The following LEFTY1 variants were observed in gnomAD, a reference collection of about 807,000 sequenced individuals.
LEFTY1 encodes left-right determination factor B.
LEFTY1 carries 18 observed loss-of-function variants against 22.6 expected under a neutral mutation model. The observed-to-expected ratio is 0.80, with a 90% CI of 0.55 to 1.18. LEFTY1 has a LOEUF of 1.18. Among genes scored for constraint, LEFTY1 ranks in the 50% most tolerant of loss-of-function variants. The pLI is 0.00. For synonymous variants in LEFTY1, 201 were observed against 231.5 expected (o/e 0.87, Z 1.20); for missense variants, 414 against 495.4 (o/e 0.84, Z 1.56).
At position 225,888,973 on chromosome 1, in the gene LEFTY1, GC is replaced by G; in HGVS notation, c.93del (p.Leu32CysfsTer26). 2 of 1,599,786 alleles carry G rather than the reference GC, an allele frequency of 1.3e-6. No individual in the cohort carries two copies. Among genetic ancestry groups the G allele is most frequent in the Non-Finnish European group, 1.7e-6 (2 of 1,173,560 alleles). On this transcript the variant is annotated frameshift_variant, in exon 1 of 4. Transcript: ENST00000272134. LOFTEE classifies it high-confidence loss of function. ...ACCTCTTTGAGCTGCAGCTGCCGCA[GC>G]AGGCTGCCCAGGAGCTGCTCCCCGG... The part of the protein sequence containing the change: ...ALTGEQLLGS[L>X]LRQLQLKEVP...
At chr1:225,887,294 TTG>T in intron 3 of LEFTY1, 103 bp downstream of exon 3, 1 of 1,565,330 alleles carries the variant, frequency 6.4e-7, no homozygotes, top group Non-Finnish European at 8.7e-7. Flanking sequence ...ATTGTATACA[TTG>T]TCTCATTCAT....
intron 2 of LEFTY1, 69 bp downstream of exon 2, chr1:225,887,717 C>G: frequency 1.9e-6 from 3 of 1,562,918 alleles, no homozygotes; most frequent in Non-Finnish European, 2.6e-6. Flanking sequence ...ACCGCCCCCC[C>G]GCGTCCCCGC....
Position 225,889,026 on chromosome 1 carries a change from G to C in LEFTY1, c.41C>G (p.Pro14Arg). 6.6e-7 allele frequency: 1 copy of C among 1,506,352 alleles called. No individual in the cohort carries two copies. Among genetic ancestry groups the C allele is most frequent in the Admixed American group, 2.1e-5 (1 of 46,532 alleles). 93.3% of individuals were successfully genotyped at this position (1,506,352 alleles called of 1,614,324 possible). Residue 14 changes from proline to arginine, a missense_variant, in exon 1 of 4, where the codon CCC (proline) becomes CGC (arginine). Pro to Arg is a moderately radical substitution (Grantham distance 103). Around this residue, in one of 2 missense-constraint regions of LEFTY1, gnomAD observed 398 missense variants for 454.7 expected, o/e 0.88. Transcript: ENST00000272134. The part of the protein sequence containing the change: ...LWLCWALWVL[P>R]LASPGAALTG... Reference sequence around the variant, plus strand: ...CAGGGCGGCCCCGGGGCTGGCCAGGGGCAACACCCAGAGTGCCCAGCAGAG... The same window carrying C: ...CAGGGCGGCCCCGGGGCTGGCCAGGCGCAACACCCAGAGTGCCCAGCAGAG...
intron 1 of LEFTY1, 71 bp downstream of exon 1, chr1:225,888,746 T>C: frequency 6.3e-7 from 1 of 1,597,310 alleles, no homozygotes; most frequent in Non-Finnish European, 8.5e-7. Flanking sequence ...CAGGAGCCCT[T>C]TGACACCACC....
rs748251628 is a variant in LEFTY1 at position 225,888,043 on chromosome 1, G to C, written c.251-11C>G. 1.7e-4 allele frequency: 266 copies of C among 1,590,908 alleles called. 13 individuals carry two copies. In the Middle Eastern group the frequency reaches 3.4e-3, roughly 20 times the overall value. The stretch of plus-strand genomic sequence containing the variant: ...ACCTGCCGGCCACCTCTGGGGACAA[G>C]AGCAGGGTCAGCAGGGCCTCCCCCG... On this transcript the variant is annotated splice_polypyrimidine_tract_variant and intron_variant, in intron 1 of 3. Transcript: ENST00000272134.
Position 225,887,849 on chromosome 1 carries a change from A to C in LEFTY1, c.434T>G (p.Val145Gly). The change falls in exon 2 of 4, where the codon GTG becomes GGG. Residue 145 changes from valine (V) to glycine (G), a missense_variant. Transcript: ENST00000272134. ...GCGGACGCGCAGCCACTCGACGGTC[A>C]CCCGGGCCCGGGCGCTGCGCGGGGA... ...RLSPRSARAR[V>G]TVEWLRVRDD... 6.5e-7 allele frequency: 1 copy of C among 1,530,784 alleles called. No homozygotes were observed. Among genetic ancestry groups the C allele is most frequent in the African/African-American group, 1.4e-5 (1 of 72,006 alleles). The allele number at this position is 1,530,784 out of a possible 1,614,324, so 94.8% of individuals were successfully genotyped here. A position where few individuals can be genotyped will look rare whatever the true frequency, so the allele number is the denominator to read the frequency against.
At position 225,889,068 on chromosome 1, in the gene LEFTY1, G is replaced by T; in HGVS notation, c.-2C>A. ...CCAGCAGAGCCACAGGGGCTGCATG[G>T]TGCTGCCCTGGAGGAGCAAGAGGCA... On this transcript the variant is annotated 5_prime_UTR_variant, in exon 1 of 4. Transcript: ENST00000272134. The T allele has an allele frequency of 6.8e-7, 1 of 1,464,612 alleles. No homozygotes were observed. Among genetic ancestry groups the T allele is most frequent in the Non-Finnish European group, 9.0e-7 (1 of 1,112,058 alleles). 90.7% of individuals were successfully genotyped at this position (1,464,612 alleles called of 1,614,324 possible). A position where few individuals can be genotyped will look rare whatever the true frequency, so the allele number is the denominator to read the frequency against.
At position 225,888,043 on chromosome 1, in the gene LEFTY1, G is replaced by A. The variant is rs748251628; in HGVS notation, c.251-11C>T. 3.6e-5 allele frequency: 57 copies of A among 1,590,908 alleles called. No homozygotes were observed. The highest frequency in any genetic ancestry group is 4.8e-5 in the Non-Finnish European group (57 of 1,178,374). On this transcript the variant is annotated splice_polypyrimidine_tract_variant and intron_variant, in intron 1 of 3. Transcript: ENST00000272134. ...ACCTGCCGGCCACCTCTGGGGACAA[G>A]AGCAGGGTCAGCAGGGCCTCCCCCG...
intron 1 of LEFTY1, 119 bp downstream of exon 1, chr1:225,888,698 G>T: frequency 1.5e-6 from 2 of 1,369,644 alleles, no homozygotes; most frequent in East Asian, 2.4e-5. Context: ...CCCTTAGACC[G>T]TGGCCCTCAC....
Position 225,886,853 on chromosome 1 carries a change from G to A in LEFTY1, c.975C>T (p.Pro325=). The stretch of plus-strand genomic sequence containing the variant: ...CTCCCTCCTTGATGCTGACGATCAT[G>A]GGCAGCGAGTCAGTCTCCGAGGCGA... ...QCIASETDSL[P]MIVSIKEGGR... is the part of the protein sequence containing the mutation. The change falls in exon 4 of 4, where the codon CCC becomes CCT. Residue 325 remains proline (P), a synonymous_variant. Coordinates refer to ENST00000272134, the MANE Select transcript of LEFTY1 (RefSeq NM_020997.4). 1 of 1,613,920 alleles carries A rather than the reference G, an allele frequency of 6.2e-7. No individual in the cohort carries two copies. The highest frequency in any genetic ancestry group is 1.7e-4 in the Middle Eastern group (1 of 5,978).
intron 1 of LEFTY1, 150 bp downstream of exon 1, chr1:225,888,667 G>A (rs1050970666): frequency 1.1e-5 from 12 of 1,076,002 alleles, no homozygotes; most frequent in Non-Finnish European, 1.4e-5. Context: ...CATCCTCACA[G>A]GCCCGGCCCC....
rs764915714 is a variant in LEFTY1 at position 225,886,662 on chromosome 1, C to T, written c.*65G>A. Reference sequence around the variant, plus strand: ...CAGCAGTTCAGTCATCGCCAGCTCTCCTGGTACCCTCGAACACTTCAGAAA... The same window carrying T: ...CAGCAGTTCAGTCATCGCCAGCTCTTCTGGTACCCTCGAACACTTCAGAAA... On this transcript the variant is annotated 3_prime_UTR_variant, in exon 4 of 4. Coordinates refer to ENST00000272134, the MANE Select transcript of LEFTY1 (RefSeq NM_020997.4). 6.8e-6 allele frequency: 11 copies of T among 1,607,020 alleles called. No individual in the cohort carries two copies. Among genetic ancestry groups the T allele is most frequent in the African/African-American group, 2.7e-5 (2 of 74,932 alleles).
chr1:225,888,602 G>A (rs763801097), intron 1 of LEFTY1, among the ~76,000 whole-genome samples: 15 of 152,168 alleles, frequency 9.9e-5, no homozygotes, highest in Non-Finnish European at 1.9e-4. Flanking sequence ...GTGGCAGTAC[G>A]AAAACAGACC....
Position 225,888,047 on chromosome 1 carries a change from A to G in LEFTY1, c.251-15T>C. 1 of 1,590,368 alleles carries G rather than the reference A, an allele frequency of 6.3e-7. No homozygotes were observed. Among genetic ancestry groups the G allele is most frequent in the Non-Finnish European group, 8.5e-7 (1 of 1,178,146 alleles). ...GCCGGCCACCTCTGGGGACAAGAGCAGGGTCAGCAGGGCCTCCCCCGACTC... is the reference window on the plus strand; with the variant it reads ...GCCGGCCACCTCTGGGGACAAGAGCGGGGTCAGCAGGGCCTCCCCCGACTC... On this transcript the variant is annotated splice_polypyrimidine_tract_variant and intron_variant, in intron 1 of 3. Coordinates refer to ENST00000272134, the MANE Select transcript of LEFTY1 (RefSeq NM_020997.4).
At position 225,887,634 on chromosome 1, in the gene LEFTY1, C is replaced by G; in HGVS notation, c.502G>C (p.Val168Leu). 1 of 1,612,276 alleles carries G rather than the reference C, an allele frequency of 6.2e-7. No individual in the cohort carries two copies. The highest frequency in any genetic ancestry group is 1.1e-5 in the South Asian group (1 of 91,082). The change falls in exon 3 of 4, where the codon GTG (valine) becomes CTG (leucine). Residue 168 changes from valine to leucine, a missense_variant. Physicochemically the swap from Val to Leu is conservative, Grantham distance 32 (BLOSUM62 1). Around this residue, in one of 2 missense-constraint regions of LEFTY1, gnomAD observed 398 missense variants for 454.7 expected, o/e 0.88. Transcript: ENST00000272134. Reference protein sequence around the residue: ...NRTSLIDSRLVSVHESGWKAF... With the variant: ...NRTSLIDSRLLSVHESGWKAF... ...TTCCAGCCGCTCTCGTGGACGGACA[C>G]CAGCCTGAGACATGACACAGAGACC...
chr1:225,888,693 A>T (rs1018114781), intron 1 of LEFTY1, 124 bp downstream of exon 1: 1 of 1,332,366 alleles, frequency 7.5e-7, no homozygotes, highest in Admixed American at 2.3e-5. Flanking sequence ...ACTGCCCCTT[A>T]GACCGTGGCC....
rs1296941155 is a variant in LEFTY1 at position 225,887,860 on chromosome 1, G to C, written c.423C>G (p.Ala141=). ...HRHGRLSPRS[A]RARVTVEWLR... ...GCCACTCGACGGTCACCCGGGCCCG[G>C]GCGCTGCGCGGGGACAGCCGCCCGT... The change falls in exon 2 of 4, where the codon GCC becomes GCG. Residue 141 remains alanine (A), a synonymous_variant. Coordinates refer to ENST00000272134, the MANE Select transcript of LEFTY1 (RefSeq NM_020997.4). The C allele has an allele frequency of 2.0e-6, 3 of 1,530,512 alleles. No individual in the cohort carries two copies. Among genetic ancestry groups the C allele is most frequent in the Non-Finnish European group, 2.6e-6 (3 of 1,145,168 alleles). The allele number at this position is 1,530,512 out of a possible 1,614,324, so 94.8% of individuals were successfully genotyped here. A position where few individuals can be genotyped will look rare whatever the true frequency, so the allele number is the denominator to read the frequency against.
rs772844927 is a variant in LEFTY1 at position 225,888,860 on chromosome 1, G to A, written c.207C>T (p.His69=). 5.0e-6 allele frequency: 8 copies of A among 1,613,280 alleles called. No homozygotes were observed. The highest frequency in any genetic ancestry group is 3.3e-5 in the Admixed American group (2 of 60,008). Residue 69 remains histidine (H), a synonymous_variant, in exon 1 of 4, where the codon CAC becomes CAT. Coordinates refer to ENST00000272134, the MANE Select transcript of LEFTY1 (RefSeq NM_020997.4). The part of the protein sequence containing the change: ...AQYVALLQRS[H]GDRSRGKRFS... ...ACCTCTTTCCGCGGGAGCGGTCCCC[G>A]TGGCTGCGCTGCAGCAGGGCCACGT...
intron 1 of LEFTY1, 126 bp downstream of exon 1, chr1:225,888,691 T>C: frequency 7.5e-7 from 1 of 1,326,742 alleles, no homozygotes; most frequent in Non-Finnish European, 1.0e-6. Flanking sequence ...TCACTGCCCC[T>C]TAGACCGTGG....
Sources: gnomAD v4.1 joint callset for allele counts (sites outside exome capture counted in the v4.1 genomes callset) on GRCh38, gnomAD v4.1.1 for gene constraint, gnomAD v4.1.1 regional missense constraint, MANE v1.5 for transcripts, NCBI Gene and HGNC (gene_info 2026-07-23, HGNC 2026-07-21) for gene names.